ANK3: variants seen among roughly 807,000 people sequenced by gnomAD.
ANK3 encodes the protein ankyrin 3.
ANK3 carries 57 observed loss-of-function variants against 370.9 expected under a neutral mutation model. The ratio of observed to expected loss-of-function variants is 0.15; its 90% CI spans 0.12 to 0.19. The LOEUF (loss-of-function observed/expected upper bound fraction) is 0.19, where lower values mean the gene tolerates loss of function less well. Ranked by LOEUF, ANK3 falls within the 10% of genes least tolerant of loss-of-function variation. The probability of loss-of-function intolerance (pLI) is 1.00; values close to 1 mark genes in which losing one functional copy is unlikely to be tolerated. For synonymous variants in ANK3, 1,929 were observed against 1,946.3 expected (o/e 0.99, Z 0.23); for missense variants, 4,439 against 5,302.1 (o/e 0.84, Z 5.06).
At chr10:60,555,213 C>A (rs1277479447) in intron 2 of ANK3, among the ~76,000 whole-genome samples, 1 of 152,148 alleles carries the variant, frequency 6.6e-6, no homozygotes, top group Non-Finnish European at 1.5e-5. Context: ...GGCTCACACC[C>A]ATGATCCTAG....
chr10:60,726,268 A>G (rs910808726), intron 1 of ANK3, among the ~76,000 whole-genome samples: 3 of 152,204 alleles, frequency 2.0e-5, no homozygotes, highest in Admixed American at 6.5e-5. Context: ...TAAATTGTAC[A>G]GCCAGAAAAC....
intron 2 of ANK3, among the ~76,000 whole-genome samples, chr10:60,429,916 C>T (rs2063976871): frequency 6.6e-6 from 1 of 152,106 alleles, no homozygotes. Flanking sequence ...TTGATCCTCA[C>T]ACCGTTTTTC....
intron 1 of ANK3, among the ~76,000 whole-genome samples, chr10:60,294,010 G>A (rs868044041): frequency 6.6e-6 from 1 of 152,196 alleles, no homozygotes; most frequent in Non-Finnish European, 1.5e-5. Flanking sequence ...TCCTTATTAT[G>A]TAGGAGGCAT....
chr10:60,315,740 C>G (rs770959780), intron 1 of ANK3, among the ~76,000 whole-genome samples: 23 of 152,258 alleles, frequency 1.5e-4, no homozygotes, highest in South Asian at 1.5e-3. Context: ...CTGCCACTCT[C>G]TCTAACTTCT....
chr10:60,288,336 T>G (rs1593106518), intron 1 of ANK3, among the ~76,000 whole-genome samples: 2 of 152,220 alleles, frequency 1.3e-5, no homozygotes, highest in South Asian at 4.1e-4. Context: ...TAGGATCACA[T>G]ATCCTACAGA....
In ANK3 at chr10:60,084,695, G is replaced by A. The variant is rs2132015980; in HGVS notation, c.3981C>T (p.Ser1327=). Residue 1327 remains serine, a synonymous_variant, in exon 32 of 44, where the codon TCC becomes TCT. Transcript: ENST00000280772. ...CATCTGTCATGCAGAAACATCGCAA[G>A]GAAGATTCTACGGGATCATTCATTT... ...FAKMNDPVES[S]LRCFCMTDDK... 6.2e-7 allele frequency: 1 copy of A among 1,613,850 alleles called. No individual in the cohort carries two copies. The highest frequency in any genetic ancestry group is 8.5e-7 in the Non-Finnish European group (1 of 1,179,910).
chr10:60,518,605 G>A (rs929441356), intron 2 of ANK3, among the ~76,000 whole-genome samples: 8 of 152,102 alleles, frequency 5.3e-5, no homozygotes, highest in Non-Finnish European at 1.0e-4. Flanking sequence ...ACTCAGAAGC[G>A]TAGCTGACTA....
chr10:60,518,412 T>C (rs1251206252), intron 2 of ANK3, among the ~76,000 whole-genome samples: 4 of 152,112 alleles, frequency 2.6e-5, no homozygotes, highest in African/African-American at 9.7e-5. Flanking sequence ...ATTCTTCAGA[T>C]ACCTATGAAA....
chr10:60,642,326 T>C (rs1256234558), intron 1 of ANK3, among the ~76,000 whole-genome samples: 7 of 151,472 alleles, frequency 4.6e-5, no homozygotes, highest in Non-Finnish European at 8.8e-5. Flanking sequence ...TAAAGACACA[T>C]GCACACGTAT....
chr10:60,426,786 AC>A (rs1183254772), intron 2 of ANK3, among the ~76,000 whole-genome samples: 27 of 152,182 alleles, frequency 1.8e-4, no homozygotes, highest in African/African-American at 7.2e-5. Flanking sequence ...CAATTAGGTC[AC>A]CCAAGTTCCA....
chr10:60,479,408 T>C (rs537728121), intron 2 of ANK3, among the ~76,000 whole-genome samples: 19 of 152,154 alleles, frequency 1.2e-4, no homozygotes, highest in Non-Finnish European at 2.5e-4. Flanking sequence ...AGGTGTGTAG[T>C]AGGCTATACC....
At chr10:60,159,470 T>A (rs1308740238) in intron 23 of ANK3, among the ~76,000 whole-genome samples, 1 of 152,098 alleles carries the variant, frequency 6.6e-6, no homozygotes, top group Non-Finnish European at 1.5e-5. Flanking sequence ...ATACAATAGG[T>A]GGGGACATTA....
At chr10:60,330,969 A>G (rs1398296651) in intron 1 of ANK3, among the ~76,000 whole-genome samples, 2 of 152,214 alleles carry the variant, frequency 1.3e-5, no homozygotes, top group African/African-American at 4.8e-5. Flanking sequence ...CTTTGCAGGG[A>G]CATGGATGAA....
intron 1 of ANK3, among the ~76,000 whole-genome samples, chr10:60,712,632 G>C (rs1166505929): frequency 6.6e-6 from 1 of 151,988 alleles, no homozygotes; most frequent in South Asian, 2.1e-4. Context: ...TAAACACAAA[G>C]GGTTTAAATG....
At chr10:60,225,446 C>T (rs2097125203) in intron 8 of ANK3, among the ~76,000 whole-genome samples, 1 of 152,088 alleles carries the variant, frequency 6.6e-6, no homozygotes. Context: ...GATTCATATA[C>T]CTACTCAAGG....
At chr10:60,033,846 C>T (rs1009340246) in intron 43 of ANK3, among the ~76,000 whole-genome samples, 5 of 152,020 alleles carry the variant, frequency 3.3e-5, no homozygotes, top group African/African-American at 1.2e-4. Context: ...CTTGGTTGCA[C>T]ATTAGACTTA....
At chr10:60,631,475 T>C (rs146579985) in intron 1 of ANK3, among the ~76,000 whole-genome samples, 205 of 152,230 alleles carry the variant, frequency 1.3e-3, no homozygotes, top group African/African-American at 4.6e-3. Flanking sequence ...GAGGTTGCAG[T>C]AATCCAAGAT....
intron 42 of ANK3, 57 bp from the exon 43 acceptor site, chr10:60,042,816 C>T (rs1234538727): frequency 2.7e-5 from 40 of 1,457,780 alleles, no homozygotes; most frequent in Non-Finnish European, 3.5e-5. Flanking sequence ...AGTTATAAAG[C>T]AGTCCATTCT....
intron 1 of ANK3, chr10:60,615,362 A>G (rs1441925785): frequency 1.1e-5 from 5 of 467,962 alleles, no homozygotes; most frequent in Non-Finnish European, 1.8e-5. Flanking sequence ...CACAAAGTAA[A>G]ATAGAGGAAA....
Sources: gnomAD v4.1 joint callset for allele counts (sites outside exome capture counted in the v4.1 genomes callset) on GRCh38, gnomAD v4.1.1 for gene constraint, MANE v1.5 for transcripts, NCBI Gene and HGNC (gene_info 2026-07-23, HGNC 2026-07-21) for gene names.